The following ENPP3 variants were observed in gnomAD, a reference collection of about 807,000 sequenced individuals.
ENPP3 encodes ectonucleotide pyrophosphatase/phosphodiesterase family member 3.
Under a neutral mutation model 117.8 loss-of-function variants are expected in ENPP3, and 104 were observed. That is an observed-to-expected ratio of 0.88 (90% CI 0.75 to 1.04). The LOEUF (loss-of-function observed/expected upper bound fraction) is 1.04. ENPP3 is among the 50% of genes least tolerant of loss of function. The pLI, the probability that ENPP3 is intolerant of heterozygous loss-of-function variation, is 0.00. For synonymous variants in ENPP3, 380 were observed against 349.9 expected, an observed-to-expected ratio of 1.09 and a Z score of -0.96; for missense variants, 1,026 against 1,051.9, an observed-to-expected ratio of 0.98 and a Z score of 0.34.
chr6:131,713,124 A>G (rs1562467920), intron 15 of ENPP3, among the ~76,000 whole-genome samples: 1 of 131,132 alleles, frequency 7.6e-6, no homozygotes, highest in Non-Finnish European at 1.5e-5. Flanking sequence ...GGTTTTACAA[A>G]GGGGAGCTTC....
intron 5 of ENPP3, among the ~76,000 whole-genome samples, chr6:131,656,043 A>G (rs1246322599): frequency 6.6e-6 from 1 of 152,224 alleles, no homozygotes; most frequent in African/African-American, 2.4e-5. Flanking sequence ...CCAGACATTT[A>G]TGCTAGTGTT....
At chr6:131,722,170 G>C (rs1780047235) in intron 17 of ENPP3, 57 bp from the exon 18 acceptor site, 2 of 1,253,722 alleles carry the variant, frequency 1.6e-6, no homozygotes, top group Non-Finnish European at 2.3e-6. Context: ...ATCTCCCACA[G>C]AGGAGTTGTT....
At chr6:131,728,626 T>A (rs1780207126) in intron 20 of ENPP3, among the ~76,000 whole-genome samples, 2 of 152,208 alleles carry the variant, frequency 1.3e-5, no homozygotes, top group Non-Finnish European at 1.5e-5. Context: ...GGGATTCACA[T>A]AAAAATGTTG....
At chr6:131,723,916 G>A (rs551184532) in intron 18 of ENPP3, 124 bp from the exon 19 acceptor site, 2 of 619,314 alleles carry the variant, frequency 3.2e-6, no homozygotes, top group East Asian at 3.2e-5. Flanking sequence ...CTTAAGTTAG[G>A]CTAGCTTCTT....
intron 20 of ENPP3, among the ~76,000 whole-genome samples, chr6:131,727,624 C>A (rs1048711534): frequency 1.3e-5 from 2 of 150,406 alleles, no homozygotes; most frequent in African/African-American, 4.9e-5. Context: ...CCAAACACTT[C>A]TCTGGGGCAG....
intron 6 of ENPP3, among the ~76,000 whole-genome samples, chr6:131,668,161 A>G (rs1398891947): frequency 2.6e-5 from 4 of 150,988 alleles, no homozygotes; most frequent in East Asian, 3.9e-4. Context: ...AGAATTTCAT[A>G]AGGACTACAT....
At chr6:131,730,186 G>A (rs550752930) in intron 20 of ENPP3, among the ~76,000 whole-genome samples, 11 of 152,222 alleles carry the variant, frequency 7.2e-5, no homozygotes, top group African/African-American at 2.6e-4. Context: ...TGTGTGTTAG[G>A]AAATATCAAA....
At chr6:131,670,019 A>G (rs919280583) in intron 6 of ENPP3, among the ~76,000 whole-genome samples, 1 of 152,242 alleles carries the variant, frequency 6.6e-6, no homozygotes, top group Non-Finnish European at 1.5e-5. Context: ...GCTGCAGAGG[A>G]AATAGCAATG....
chr6:131,684,965 TG>T (rs1236415445), intron 12 of ENPP3, among the ~76,000 whole-genome samples: 1 of 152,040 alleles, frequency 6.6e-6, no homozygotes, highest in Admixed American at 6.6e-5. Flanking sequence ...TTGTATTTTT[TG>T]GTAGGGATGG....
rs1217285245 is a variant in ENPP3 at position 131,676,744 on chromosome 6, C to A, written c.881C>A (p.Pro294Gln). ...CTACCCTATTTTTTCAGAAGTGTCC[C>A]ATTTGAAGAGAGGATTTCTACACTG... ...SIYMPYNGSV[P>Q]FEERISTLLK... Residue 294 changes from proline to glutamine, a missense_variant, in exon 10 of 25, where the codon CCA becomes CAA. Transcript: ENST00000357639. 3.7e-6 allele frequency: 6 copies of A among 1,600,862 alleles called. No individual in the cohort carries two copies. The highest frequency in any genetic ancestry group is 4.3e-6 in the Non-Finnish European group (5 of 1,168,294).
chr6:131,685,882 C>T lies in ENPP3; in HGVS notation c.1259C>T (p.Ser420Phe). 1.0e-6 allele frequency: 1 copy of T among 960,002 alleles called. No homozygotes were observed. The highest frequency in any genetic ancestry group is 1.6e-6 in the Non-Finnish European group (1 of 614,666). The allele number at this position is 960,002 out of a possible 1,614,324, so 59.5% of individuals were successfully genotyped here. A position where few individuals can be genotyped will look rare whatever the true frequency, so the allele number is the denominator to read the frequency against. Residue 420 changes from serine (S) to phenylalanine (F), a missense_variant, in exon 14 of 25, where the codon TCT becomes TTT. Transcript: ENST00000357639. ...TCTTTTTCTTTTGAAACAGTTAATT[C>T]TGAGGAAATTGTTAGAAACCTCAGT... Reference protein sequence around the residue: ...NIPHDFFSFNSEEIVRNLSCR... With the variant: ...NIPHDFFSFNFEEIVRNLSCR...
chr6:131,731,291 G>C (rs1780274597), intron 20 of ENPP3, among the ~76,000 whole-genome samples: 1 of 152,054 alleles, frequency 6.6e-6, no homozygotes, highest in Non-Finnish European at 1.5e-5. Context: ...TATATGGCTG[G>C]GTCTTTCCAG....
chr6:131,676,366 T>C (rs974413680), intron 9 of ENPP3, among the ~76,000 whole-genome samples: 2 of 152,172 alleles, frequency 1.3e-5, no homozygotes, highest in Non-Finnish European at 2.9e-5. Context: ...TAATCTTTGG[T>C]TTCCTCACTG....
chr6:131,740,522 C>A, intron 24 of ENPP3, 142 bp downstream of exon 24: 1 of 535,662 alleles, frequency 1.9e-6, no homozygotes. Context: ...CATTTTTAGG[C>A]TTTTCCTTAG....
intron 6 of ENPP3, among the ~76,000 whole-genome samples, chr6:131,666,988 C>T (rs1220417054): frequency 1.3e-5 from 2 of 152,100 alleles, no homozygotes; most frequent in Admixed American, 1.3e-4. Context: ...CATTGGTGTT[C>T]CAAGATGAGT....
intron 7 of ENPP3, among the ~76,000 whole-genome samples, chr6:131,673,698 A>G (rs1778799142): frequency 6.6e-6 from 1 of 150,968 alleles, no homozygotes; most frequent in African/African-American, 2.5e-5. Context: ...AGAGAAAGAA[A>G]AGACAGACAG....
chr6:131,696,482 T>A (rs553068942), intron 15 of ENPP3, among the ~76,000 whole-genome samples: 1 of 152,188 alleles, frequency 6.6e-6, no homozygotes, highest in Non-Finnish European at 1.5e-5. Context: ...GGAAGACTTA[T>A]GATGGGATAG....
chr6:131,678,409 C>A (rs1306840361), intron 11 of ENPP3, among the ~76,000 whole-genome samples: 1 of 152,214 alleles, frequency 6.6e-6, no homozygotes, highest in Non-Finnish European at 1.5e-5. Context: ...CCCTTCTAGG[C>A]TCCCATTGTC....
chr6:131,688,862 G>A (rs776848138), intron 14 of ENPP3, among the ~76,000 whole-genome samples: 28 of 144,768 alleles, frequency 1.9e-4, no homozygotes, highest in Non-Finnish European at 3.0e-4. Context: ...AACCAGCCTG[G>A]CCAACATGGT....
Sources: gnomAD v4.1 joint callset for allele counts (sites outside exome capture counted in the v4.1 genomes callset) on GRCh38, gnomAD v4.1.1 for gene constraint, MANE v1.5 for transcripts, NCBI Gene and HGNC (gene_info 2026-07-23, HGNC 2026-07-21) for gene names.